UPF2: variants seen among roughly 807,000 people sequenced by gnomAD.
UPF2 encodes the protein UPF2 regulator of nonsense mediated mRNA decay.
In UPF2, 17 loss-of-function variants were observed where a neutral mutation model predicts 141.4. The ratio of observed to expected loss-of-function variants is 0.12; its 90% confidence interval spans 0.08 to 0.18. The LOEUF is 0.18. Among genes scored for constraint, UPF2 ranks in the 10% least tolerant of loss-of-function variants. UPF2 has a pLI of 1.00. For synonymous variants in UPF2, 540 were observed against 498.0 expected (o/e 1.08, Z -1.12); for missense variants, 1,152 against 1,515.9 (o/e 0.76, Z 3.99).
intron 21 of UPF2, among the ~76,000 whole-genome samples, chr10:11,928,330 C>T (rs985872580): frequency 1.3e-5 from 2 of 151,484 alleles, no homozygotes; most frequent in Admixed American, 6.6e-5. Context: ...GAGTGAGATT[C>T]GGTCTCAAAA....
chr10:11,944,159 A>G (rs573925652), intron 16 of UPF2, among the ~76,000 whole-genome samples: 39 of 152,192 alleles, frequency 2.6e-4, no homozygotes, highest in Admixed American at 5.9e-4. Context: ...AACAGTGTAT[A>G]CACAGCTGAA....
At position 11,936,663 on chromosome 10, in the gene UPF2, G is replaced by C. The variant is rs1414428975; in HGVS notation, c.3428C>G (p.Pro1143Arg). ...CCTCAGCTGGCTTTTGAGATGCAAA[G>C]GAATGGCAACATCTAGTTGGTGCAC... The part of the protein sequence containing the change: ...VKVHQLDVAI[P>R]LHLKSQLRKG... Residue 1143 changes from proline (P) to arginine (R), a missense_variant, in exon 19 of 22, where the codon CCT (proline) becomes CGT (arginine). Around this residue, in one of 4 missense-constraint regions of UPF2, gnomAD observed 202 missense variants for 223.6 expected, o/e 0.90. Coordinates refer to ENST00000357604, the MANE Select transcript of UPF2 (RefSeq NM_015542.4). This position sits in a 1 kb window ranked among gnomAD's most constrained non-coding sequence, Gnocchi z 6.6. 1 of 1,612,980 alleles carries C rather than the reference G, an allele frequency of 6.2e-7. No individual in the cohort carries two copies. Among genetic ancestry groups the C allele is most frequent in the Admixed American group, 1.7e-5 (1 of 59,850 alleles).
At chr10:11,922,661 TATCAGCTCAAAAACTGTTTATTA>T (rs1832660402) in intron 21 of UPF2, among the ~76,000 whole-genome samples, 1 of 152,318 alleles carries the variant, frequency 6.6e-6, no homozygotes, top group East Asian at 1.9e-4. Context: ...CTCAAAAATC[TATCAGCTCAAAAACTGTTTATTA>T]ATACAATATA....
chr10:12,021,174 C>T (rs140418855), intron 3 of UPF2, among the ~76,000 whole-genome samples: 180 of 152,104 alleles, frequency 1.2e-3, no homozygotes, highest in African/African-American at 3.9e-3. Context: ...CCCTTTAATC[C>T]CTTTGTTTTA....
intron 18 of UPF2, among the ~76,000 whole-genome samples, chr10:11,937,940 TAA>T (rs932397207): frequency 6.6e-6 from 1 of 152,208 alleles, no homozygotes; most frequent in Non-Finnish European, 1.5e-5. Flanking sequence ...TCCTTGATTA[TAA>T]AATTAACATA....
intron 7 of UPF2, among the ~76,000 whole-genome samples, chr10:11,997,989 G>A (rs1296596472): frequency 6.6e-6 from 1 of 152,166 alleles, no homozygotes; most frequent in Non-Finnish European, 1.5e-5. Context: ...AAGCAGTAAA[G>A]GGGAATGAGC....
At chr10:11,976,927 C>G (rs943881898) in intron 9 of UPF2, among the ~76,000 whole-genome samples, 2 of 152,166 alleles carry the variant, frequency 1.3e-5, no homozygotes, top group African/African-American at 4.8e-5. Flanking sequence ...TGAACCCCAC[C>G]TGGTAGACAT....
At chr10:11,950,075 G>C (rs992670080) in intron 15 of UPF2, among the ~76,000 whole-genome samples, 1 of 151,988 alleles carries the variant, frequency 6.6e-6, no homozygotes, top group Non-Finnish European at 1.5e-5. Context: ...AATTTAAAAA[G>C]AGTAGAAAAA....
rs1253772237 is a variant in UPF2 at position 11,955,466 on chromosome 10, G to C, written c.2616C>G (p.Ala872=). 5 of 1,613,920 alleles carry C rather than the reference G, an allele frequency of 3.1e-6. No individual in the cohort carries two copies. In the South Asian group the frequency reaches 5.5e-5, roughly 18 times the overall value. ...PKFNQRRISS[A]KFLGELYNYR... The stretch of plus-strand genomic sequence containing the variant: ...AATTGTAAAGTTCTCCTAAGAACTT[G>C]GCACTGCTGATGCGCCTCTGATTAA... Residue 872 remains alanine, a synonymous_variant, in exon 14 of 22, where the codon GCC becomes GCG. Coordinates refer to ENST00000357604, the MANE Select transcript of UPF2 (RefSeq NM_015542.4).
At chr10:12,035,635 G>A in intron 1 of UPF2, 194 bp from the exon 2 acceptor site, 1 of 577,876 alleles carries the variant, frequency 1.7e-6, no homozygotes, top group Non-Finnish European at 2.6e-6. Context: ...TTATTAGTTA[G>A]GCCTATGTCT....
intron 8 of UPF2, among the ~76,000 whole-genome samples, chr10:11,995,206 G>A: frequency 1.3e-5 from 2 of 152,040 alleles, no homozygotes; most frequent in East Asian, 3.9e-4. Flanking sequence ...GAAAAATAAA[G>A]GACATCCCAG....
At chr10:11,922,929 T>C (rs1832664057) in intron 21 of UPF2, among the ~76,000 whole-genome samples, 1 of 152,076 alleles carries the variant, frequency 6.6e-6, no homozygotes. Flanking sequence ...TCCCAGATAC[T>C]GAGAGGCTGA....
At chr10:12,033,588 T>C (rs116798722) in intron 2 of UPF2, among the ~76,000 whole-genome samples, 1 of 152,152 alleles carries the variant, frequency 6.6e-6, no homozygotes, top group Non-Finnish European at 1.5e-5. Context: ...ACAGTACCAA[T>C]GAAGTTAAAT....
chr10:11,950,557 T>C (rs889440393), intron 15 of UPF2, among the ~76,000 whole-genome samples: 10 of 152,206 alleles, frequency 6.6e-5, no homozygotes, highest in African/African-American at 2.4e-4. Flanking sequence ...TTTAGCCTTT[T>C]GATCTACAAA....
chr10:11,981,967 C>T (rs532294772), intron 8 of UPF2, among the ~76,000 whole-genome samples: 11 of 151,858 alleles, frequency 7.2e-5, no homozygotes, highest in Admixed American at 2.6e-4. Context: ...TACAGGTGTG[C>T]GCCACTGCGC....
intron 3 of UPF2, among the ~76,000 whole-genome samples, chr10:12,017,540 G>A (rs368216564): frequency 6.6e-6 from 1 of 152,090 alleles, no homozygotes; most frequent in Non-Finnish European, 1.5e-5. Flanking sequence ...CTCCAGTACT[G>A]CTGGAACCAA....
chr10:12,001,362 C>T (rs959109697), intron 6 of UPF2, among the ~76,000 whole-genome samples: 1 of 151,688 alleles, frequency 6.6e-6, no homozygotes, highest in Non-Finnish European at 1.5e-5. Flanking sequence ...TGCAGTGAGC[C>T]AAGATCGTAC....
At chr10:11,971,521 G>C (rs1344249241) in intron 9 of UPF2, among the ~76,000 whole-genome samples, 1 of 151,866 alleles carries the variant, frequency 6.6e-6, no homozygotes, top group Non-Finnish European at 1.5e-5. Flanking sequence ...CAAAGTGCTG[G>C]GATTACAGGC....
intron 9 of UPF2, among the ~76,000 whole-genome samples, chr10:11,977,106 G>A (rs1478794538): frequency 1.3e-5 from 2 of 152,212 alleles, no homozygotes; most frequent in African/African-American, 2.4e-5. Flanking sequence ...CTCTGCCAGG[G>A]TGCTGCTATG....
Sources: gnomAD v4.1 joint callset for allele counts (sites outside exome capture counted in the v4.1 genomes callset) on GRCh38, gnomAD v4.1.1 for gene constraint, gnomAD v4.1.1 regional missense constraint, Gnocchi (gnomAD v3.1) non-coding constraint, MANE v1.5 for transcripts, NCBI Gene and HGNC (gene_info 2026-07-23, HGNC 2026-07-21) for gene names.